The following NAALADL2 variants were observed in gnomAD, a reference collection of about 807,000 sequenced individuals.
The protein encoded by NAALADL2 is inactive N-acetylated-alpha-linked acidic dipeptidase-like protein 2.
NAALADL2 carries 76 observed loss-of-function variants against 87.2 expected under a neutral mutation model. That is an observed-to-expected ratio of 0.87 (90% confidence interval 0.72 to 1.05). The LOEUF (loss-of-function observed/expected upper bound fraction) is 1.05. Among genes scored for constraint, NAALADL2 ranks in the 50% least tolerant of loss-of-function variants. NAALADL2 has a pLI of 0.00. For synonymous variants in NAALADL2, 354 were observed against 331.0 expected, an observed-to-expected ratio of 1.07 and a Z score of -0.75; for missense variants, 1,089 against 945.8, an observed-to-expected ratio of 1.15 and a Z score of -1.99.
At chr3:175,394,236 A>G (rs1769472787) in intron 5 of NAALADL2, among the ~76,000 whole-genome samples, 1 of 152,088 alleles carries the variant, frequency 6.6e-6, no homozygotes, top group South Asian at 2.1e-4. Flanking sequence ...TGAGAAGATG[A>G]AAAAAAAGTC....
chr3:175,403,172 C>G (rs1247858206), intron 5 of NAALADL2, among the ~76,000 whole-genome samples: 1 of 151,962 alleles, frequency 6.6e-6, no homozygotes, highest in Non-Finnish European at 1.5e-5. Context: ...ATATTTTTCA[C>G]CTTCCTTTTC....
chr3:175,576,834 T>C (rs1718976933), intron 10 of NAALADL2, among the ~76,000 whole-genome samples: 1 of 152,168 alleles, frequency 6.6e-6, no homozygotes, highest in Non-Finnish European at 1.5e-5. Context: ...ATTTATGCAT[T>C]ATTCGGAGCT....
At chr3:175,780,143 G>A (rs2150209343) in intron 13 of NAALADL2, among the ~76,000 whole-genome samples, 1 of 151,744 alleles carries the variant, frequency 6.6e-6, no homozygotes, top group East Asian at 1.9e-4. Context: ...GGGCGTGGTG[G>A]TGGGCACCTG....
chr3:175,279,836 T>C (rs1028247487), intron 4 of NAALADL2, among the ~76,000 whole-genome samples: 4 of 151,184 alleles, frequency 2.6e-5, no homozygotes, highest in African/African-American at 9.7e-5. Context: ...TTAATAAAGA[T>C]GTAAACTGCA....
intron 11 of NAALADL2, among the ~76,000 whole-genome samples, chr3:175,731,718 A>G (rs543951282): frequency 3.3e-5 from 5 of 152,292 alleles, no homozygotes; most frequent in African/African-American, 1.2e-4. Context: ...TGAAGTCTCA[A>G]TCTTTGTTGC....
At chr3:175,302,222 G>A (rs200507184) in intron 4 of NAALADL2, among the ~76,000 whole-genome samples, 2 of 152,094 alleles carry the variant, frequency 1.3e-5, no homozygotes, top group East Asian at 3.9e-4. Context: ...AATTCCATAG[G>A]AATTAAGTAA....
intron 11 of NAALADL2, among the ~76,000 whole-genome samples, chr3:175,656,295 AG>A (rs1201884882): frequency 1.3e-5 from 2 of 152,254 alleles, no homozygotes; most frequent in African/African-American, 4.8e-5. Flanking sequence ...ATGATTAAAA[AG>A]AATCTGCATA....
chr3:175,697,423 A>G (rs1458068658), intron 11 of NAALADL2, among the ~76,000 whole-genome samples: 3 of 151,586 alleles, frequency 2.0e-5, no homozygotes, highest in Non-Finnish European at 4.4e-5. Flanking sequence ...ACACACACAC[A>G]CACACACACA....
chr3:175,061,594 T>C (rs910687344), intron 1 of NAALADL2, among the ~76,000 whole-genome samples: 1 of 152,018 alleles, frequency 6.6e-6, no homozygotes, highest in Admixed American at 6.6e-5. Context: ...AAGAAGGATA[T>C]AGCAGTGTCC....
At chr3:175,408,799 T>C (rs1339478049) in intron 5 of NAALADL2, among the ~76,000 whole-genome samples, 1 of 152,016 alleles carries the variant, frequency 6.6e-6, no homozygotes, top group Non-Finnish European at 1.5e-5. Context: ...AATGAATTAC[T>C]GTTAAAGGAC....
intron 9 of NAALADL2, among the ~76,000 whole-genome samples, chr3:175,557,800 T>C (rs75940072): frequency 0.013 from 2,037 of 152,314 alleles, 38 homozygotes; most frequent in African/African-American, 0.044. Context: ...TAAGGTGATA[T>C]GATACCACAT....
intron 2 of NAALADL2, among the ~76,000 whole-genome samples, chr3:175,217,391 C>G (rs1165083156): frequency 6.6e-6 from 1 of 152,136 alleles, no homozygotes; most frequent in East Asian, 1.9e-4. Context: ...CGCTTTGTAC[C>G]ACTTCCTTGC....
chr3:175,156,390 A>G (rs1580724138), intron 2 of NAALADL2, among the ~76,000 whole-genome samples: 2 of 152,166 alleles, frequency 1.3e-5, no homozygotes, highest in East Asian at 3.9e-4. Context: ...CATTATTCAA[A>G]GATGAAATAT....
intron 3 of NAALADL2, among the ~76,000 whole-genome samples, chr3:174,805,860 C>G (rs1337168008): frequency 6.6e-6 from 1 of 151,006 alleles, no homozygotes; most frequent in Non-Finnish European, 1.5e-5. Context: ...TGTGTAAGTA[C>G]ATTTTAGCAT....
At chr3:174,786,554 A>C (rs1257604387) in intron 3 of NAALADL2, among the ~76,000 whole-genome samples, 6 of 152,010 alleles carry the variant, frequency 3.9e-5, no homozygotes, top group Admixed American at 3.3e-4. Flanking sequence ...TCTGTTCTAT[A>C]TTTCTTTTCC....
chr3:174,787,602 T>TATATACATATATATATATATACAC (rs1553855432), intron 3 of NAALADL2, among the ~76,000 whole-genome samples: 2 of 73,370 alleles, frequency 2.7e-5, no homozygotes, highest in African/African-American at 4.3e-5. Context: ...TATATATATA[T>TATATACATATATATATATATACAC]ATATATATAT....
intron 9 of NAALADL2, among the ~76,000 whole-genome samples, chr3:175,543,288 T>C (rs1006320906): frequency 5.9e-5 from 9 of 152,104 alleles, no homozygotes; most frequent in African/African-American, 1.9e-4. Flanking sequence ...TGTAGGTCAG[T>C]AAAATTAAGT....
intron 2 of NAALADL2, among the ~76,000 whole-genome samples, chr3:175,159,686 A>G (rs1732833487): frequency 6.6e-6 from 1 of 152,180 alleles, no homozygotes; most frequent in South Asian, 2.1e-4. Flanking sequence ...GACTATTTGA[A>G]ATAATGAATT....
chr3:174,581,358 A>G (rs1716147669), intron 2 of NAALADL2, among the ~76,000 whole-genome samples: 1 of 152,190 alleles, frequency 6.6e-6, no homozygotes, highest in Admixed American at 6.5e-5. Flanking sequence ...GGAAGACTTC[A>G]GAGGAAAGGT....
Sources: gnomAD v4.1 joint callset for allele counts (sites outside exome capture counted in the v4.1 genomes callset) on GRCh38, gnomAD v4.1.1 for gene constraint, MANE v1.5 for transcripts, NCBI Gene and HGNC (gene_info 2026-07-23, HGNC 2026-07-21) for gene names.